MYO18B: variants seen among roughly 807,000 people sequenced by gnomAD.
MYO18B encodes the protein myosin XVIIIB.
Under a neutral mutation model 273.0 loss-of-function variants are expected in MYO18B, and 204 were observed. That is an observed-to-expected ratio of 0.75 (90% CI 0.67 to 0.84). MYO18B has a LOEUF of 0.84. MYO18B is among the 40% of genes least tolerant of loss of function. MYO18B has a pLI of 0.00. For synonymous variants in MYO18B, 1,330 were observed against 1,305.7 expected (o/e 1.02, Z -0.40); for missense variants, 3,212 against 3,287.6 (o/e 0.98, Z 0.56).
chr22:25,779,926 G>C, intron 8 of MYO18B, 130 bp from the exon 9 acceptor site: 1 of 1,194,206 alleles, frequency 8.4e-7, no homozygotes, highest in Non-Finnish European at 1.1e-6. Flanking sequence ...CTCACAGGAA[G>C]CCCACCGGGG....
chr22:25,845,356 A>T (rs1447819586), intron 18 of MYO18B, among the ~76,000 whole-genome samples: 1 of 152,178 alleles, frequency 6.6e-6, no homozygotes, highest in Non-Finnish European at 1.5e-5. Context: ...GTCTCTACTA[A>T]AAACACAAAA....
In MYO18B at chr22:26,026,750, G is replaced by A; in HGVS notation, c.6776G>A (p.Arg2259Lys). 6.2e-7 allele frequency: 1 copy of A among 1,612,794 alleles called. No homozygotes were observed. Among genetic ancestry groups the A allele is most frequent in the Non-Finnish European group, 8.5e-7 (1 of 1,179,418 alleles). Residue 2259 changes from arginine (R) to lysine (K), a missense_variant, in exon 43 of 44, where the codon AGG (arginine) becomes AAG (lysine). Coordinates refer to ENST00000335473, the MANE Select transcript of MYO18B (RefSeq NM_032608.7). ...TCGGAGTTCGTGGAAGGGCTCCGGA[G>A]GAAGAGAGCCCAGAGAGGCCAGGGG... The part of the protein sequence containing the change: ...ALSEFVEGLR[R>K]KRAQRGQGST...
chr22:25,747,547 G>A (rs551266342), intron 1 of MYO18B, among the ~76,000 whole-genome samples: 1 of 152,342 alleles, frequency 6.6e-6, no homozygotes, highest in South Asian at 2.1e-4. Flanking sequence ...AGGAGTGTGT[G>A]GCCAGCCTAG....
At chr22:25,913,536 T>G (rs5997001) in intron 33 of MYO18B, among the ~76,000 whole-genome samples, 2 of 152,020 alleles carry the variant, frequency 1.3e-5, no homozygotes, top group Non-Finnish European at 2.9e-5. Flanking sequence ...GCTAATTTTT[T>G]TGTGTGTATT....
intron 34 of MYO18B, among the ~76,000 whole-genome samples, chr22:25,935,137 C>T (rs1569208647): frequency 6.6e-6 from 1 of 152,136 alleles, no homozygotes; most frequent in Non-Finnish European, 1.5e-5. Flanking sequence ...AGAACCAGGC[C>T]TGGTACAGGA....
intron 22 of MYO18B, among the ~76,000 whole-genome samples, chr22:25,869,471 AAAGAAGG>A (rs1569132020): frequency 2.4e-4 from 32 of 135,496 alleles, no homozygotes; most frequent in African/African-American, 9.0e-4. Context: ...AAAAAAAAAA[AAAGAAGG>A]AAGGAAGGAA....
chr22:25,813,160 C>CTCCTCTTCT (rs1293931643), intron 12 of MYO18B, among the ~76,000 whole-genome samples: 4 of 148,630 alleles, frequency 2.7e-5, no homozygotes, highest in Admixed American at 1.4e-4. Flanking sequence ...CTTCCTTCTC[C>CTCCTCTTCT]TCCTCTTCTT....
chr22:25,890,706 G>A (rs1342738502), intron 25 of MYO18B, 50 bp from the exon 26 acceptor site: 1 of 1,603,814 alleles, frequency 6.2e-7, no homozygotes, highest in Non-Finnish European at 8.5e-7. Context: ...GAGAAGGGTT[G>A]GTGGCTCCAT....
At chr22:25,886,446 A>G (rs4822671) in intron 25 of MYO18B, among the ~76,000 whole-genome samples, 77,591 of 152,070 alleles carry the variant, frequency 0.51, 22,646 homozygotes, top group African/African-American at 0.8. Flanking sequence ...GCCAGCTGGT[A>G]CTGCAGTTGG....
intron 11 of MYO18B, among the ~76,000 whole-genome samples, chr22:25,786,951 C>T (rs533087444): frequency 3.3e-5 from 5 of 152,320 alleles, no homozygotes; most frequent in Admixed American, 6.5e-5. Context: ...CGGTGGCTCA[C>T]GCCTGTAATC....
chr22:25,885,964 T>C (rs1354439047), intron 25 of MYO18B, among the ~76,000 whole-genome samples: 3 of 152,210 alleles, frequency 2.0e-5, no homozygotes, highest in Admixed American at 1.3e-4. Context: ...AGCCTTCCCA[T>C]GTATGAATTG....
At chr22:25,941,504 T>C (rs778985698) in intron 34 of MYO18B, among the ~76,000 whole-genome samples, 2 of 152,236 alleles carry the variant, frequency 1.3e-5, no homozygotes, top group African/African-American at 4.8e-5. Context: ...GTTGCGCCAC[T>C]GAAGGATCTG....
At position 26,026,494 on chromosome 22, in the gene MYO18B, C is replaced by G. The variant is rs764896471; in HGVS notation, c.6520C>G (p.Leu2174Val). The change falls in exon 43 of 44, where the codon CTG (leucine) becomes GTG (valine). Residue 2174 changes from leucine to valine, a missense_variant. Leu to Val is a conservative substitution (Grantham distance 32, BLOSUM62 1). Transcript: ENST00000335473. The stretch of plus-strand genomic sequence containing the variant: ...TGAGAGGACCCAGTCGGCATTGGCA[C>G]TGAGCAGAGCCCGGTCCACCAATGT... The part of the protein sequence containing the change: ...DTERTQSALA[L>V]SRARSTNVHS... The G allele has an allele frequency of 3.1e-6, 5 of 1,613,910 alleles. No individual in the cohort carries two copies. The highest frequency in any genetic ancestry group is 4.2e-6 in the Non-Finnish European group (5 of 1,179,884).
chr22:25,928,509 A>G (rs993637631), intron 34 of MYO18B, among the ~76,000 whole-genome samples: 3 of 151,726 alleles, frequency 2.0e-5, no homozygotes, highest in African/African-American at 4.8e-5. Context: ...TAGCTACAGC[A>G]TCTTCTCTCC....
rs546862101 is a variant in MYO18B at position 25,784,913 on chromosome 22, G to A, written c.2313-515G>A. 2.0e-5 allele frequency among the ~76,000 whole-genome samples: 3 copies of A among 152,330 alleles called. No homozygotes were observed. In the East Asian group the frequency reaches 5.8e-4, roughly 29 times the overall value. ...CGTGGCAGGATAGCGCGGAGTCTGG[G>A]CTCGAGGGGCCAACAGACCTCAGCT... On this transcript the variant is annotated intron_variant, in intron 10 of 43. Coordinates refer to ENST00000335473, the MANE Select transcript of MYO18B (RefSeq NM_032608.7).
rs149225136 is a variant in MYO18B, at chr22:25,890,884, TCAGGGGTGGC to T, written c.4434+20_4434+29del. 0.035 allele frequency: 57,186 copies of T among 1,612,758 alleles called. 1,130 individuals are homozygous for T. Among genetic ancestry groups the T allele is most frequent in the Middle Eastern group, 0.082 (496 of 6,056 alleles). On this transcript the variant is annotated intron_variant, in intron 26 of 43. Coordinates refer to ENST00000335473, the MANE Select transcript of MYO18B (RefSeq NM_032608.7). ...AGGTCCAGGAGCTCAAGGTGAGTGG[TCAGGGGTGGC>T]CAGGGGTGGCTGAACACGGTGGCTA...
Position 25,777,715 on chromosome 22 carries a change from A to G in MYO18B, c.2002A>G (p.Thr668Ala). 1 of 1,612,134 alleles carries G rather than the reference A, an allele frequency of 6.2e-7. No individual in the cohort carries two copies. Among genetic ancestry groups the G allele is most frequent in the Non-Finnish European group, 8.5e-7 (1 of 1,179,002 alleles). The change falls in exon 8 of 44, where the codon ACC becomes GCC. Residue 668 changes from threonine to alanine, a missense_variant. Coordinates refer to ENST00000335473, the MANE Select transcript of MYO18B (RefSeq NM_032608.7). Reference sequence around the variant, plus strand: ...GGGCTGGAGTGGCGCTGGGAAGACCACCTGCTGTGAGCAGGTCCTGGAACA... The same window carrying G: ...GGGCTGGAGTGGCGCTGGGAAGACCGCCTGCTGTGAGCAGGTCCTGGAACA... Reference protein sequence around the residue: ...ALGWSGAGKTTCCEQVLEHLV... With the variant: ...ALGWSGAGKTACCEQVLEHLV...
At chr22:25,776,602 C>T (rs1174081046) in intron 7 of MYO18B, among the ~76,000 whole-genome samples, 1 of 151,540 alleles carries the variant, frequency 6.6e-6, no homozygotes, top group East Asian at 1.9e-4. Context: ...TGTCTCAAAA[C>T]AAAAAACAAA....
chr22:25,967,154 C>T (rs928016623), intron 39 of MYO18B, among the ~76,000 whole-genome samples: 21 of 152,162 alleles, frequency 1.4e-4, no homozygotes, highest in African/African-American at 5.1e-4. Context: ...ATTGAACTTT[C>T]GTCACTTCAG....
Sources: allele counts gnomAD v4.1 joint callset (sites outside exome capture counted in the v4.1 genomes callset), GRCh38; gene constraint gnomAD v4.1.1; transcripts MANE v1.5; gene names NCBI Gene and HGNC (gene_info 2026-07-23, HGNC 2026-07-21).